The following WDR37 variants were observed in gnomAD, a reference collection of about 807,000 sequenced individuals.
The protein encoded by WDR37 is WD repeat-containing protein 37.
Under a neutral mutation model 62.9 loss-of-function variants are expected in WDR37, and 19 were observed. The observed-to-expected ratio is 0.30, with a 90% confidence interval of 0.21 to 0.44. WDR37 has a LOEUF of 0.44. Among genes scored for constraint, WDR37 ranks in the 20% least tolerant of loss-of-function variants. The probability of loss-of-function intolerance (pLI) is 1.00; values close to 1 mark genes in which losing one functional copy is unlikely to be tolerated. For synonymous variants in WDR37, 250 were observed against 260.9 expected (o/e 0.96, Z 0.40); for missense variants, 474 against 657.6 (o/e 0.72, Z 3.05).
At chr10:1,070,285 T>G (rs1833688854) in intron 1 of WDR37, among the ~76,000 whole-genome samples, 1 of 152,146 alleles carries the variant, frequency 6.6e-6, no homozygotes, top group African/African-American at 2.4e-5. Flanking sequence ...AGCTTGTGAT[T>G]AAGTTAAAGC....
At chr10:1,061,455 A>G (rs917658267) in intron 1 of WDR37, among the ~76,000 whole-genome samples, 5 of 152,206 alleles carry the variant, frequency 3.3e-5, no homozygotes, top group African/African-American at 1.2e-4. Flanking sequence ...ACAAGTGGAA[A>G]TTTCCACACC....
rs184497990 is a variant in WDR37 at position 1,091,008 on chromosome 10, C to G, written c.605-2444C>G. On this transcript the variant is annotated intron_variant, in intron 7 of 13. Transcript: ENST00000263150. ...GGTGATTGAGCTCTCTCGAGGGCCT[C>G]GTTATACAGGCGTGGTTTTCATCCT... Among the ~76,000 whole-genome samples the G allele has an allele frequency of 6.8e-3, 1,034 of 152,342 alleles. 3 individuals carry two copies. The highest frequency in any genetic ancestry group is 0.02 in the Middle Eastern group (6 of 294).
intron 1 of WDR37, among the ~76,000 whole-genome samples, chr10:1,058,029 C>T (rs1833250541): frequency 7.0e-6 from 1 of 142,120 alleles, no homozygotes; most frequent in Non-Finnish European, 1.6e-5. Context: ...TGATCAAATT[C>T]GAGTCTTTCA....
intron 7 of WDR37, among the ~76,000 whole-genome samples, chr10:1,091,196 A>C (rs1834376630): frequency 6.6e-6 from 1 of 152,146 alleles, no homozygotes; most frequent in Admixed American, 6.5e-5. Flanking sequence ...TTCCACCCAC[A>C]CCTCACAGTG....
rs369591020 is a variant in WDR37 at position 1,086,347 on chromosome 10, C to T, written c.594C>T (p.His198=). Residue 198 remains histidine (H), a synonymous_variant, in exon 7 of 14, where the codon CAC becomes CAT. Coordinates refer to ENST00000263150, the MANE Select transcript of WDR37 (RefSeq NM_014023.4). Reference sequence around the variant, plus strand: ...AGTGCCTAGTCAAGTACGCAGGCCACGTGGGCTCAGGTAAGCACTGCCTAA... The same window carrying T: ...AGTGCCTAGTCAAGTACGCAGGCCATGTGGGCTCAGGTAAGCACTGCCTAA... ...TGKCLVKYAG[H]VGSVNSIKFH... 1.7e-5 allele frequency: 28 copies of T among 1,613,900 alleles called. No homozygotes were observed. Among genetic ancestry groups the T allele is most frequent in the Middle Eastern group, 3.3e-4 (2 of 6,084 alleles).
chr10:1,089,678 TGCTCACCCGCAGTTCGGCCTTCCC>T (rs1191595082), intron 7 of WDR37, among the ~76,000 whole-genome samples: 18 of 151,130 alleles, frequency 1.2e-4, no homozygotes, highest in Middle Eastern at 6.8e-3. Flanking sequence ...GGCCTTCCCG[TGCTCACCCGCAGTTCGGCCTTCCC>T]GTGCTCACCC....
Position 1,121,580 on chromosome 10 carries a change from C to T in WDR37, c.1104-2638C>T, listed in dbSNP as rs571803777. Among the ~76,000 whole-genome samples, 17 of 152,302 alleles carry T rather than the reference C, an allele frequency of 1.1e-4. No homozygotes were observed. The highest frequency in any genetic ancestry group is 1.0e-3 in the Admixed American group (16 of 15,298). ...TCTCGTTACCCAGGCTGGGCGTTTG[C>T]TTGTGTCCTGCCCCGTGTGATGCCG... On this transcript the variant is annotated intron_variant, in intron 11 of 13. Coordinates refer to ENST00000263150, the MANE Select transcript of WDR37 (RefSeq NM_014023.4). This position sits in a 1 kb window ranked among gnomAD's most constrained non-coding sequence, Gnocchi z 4.5.
chr10:1,082,663 T>G (rs778921385), intron 5 of WDR37, among the ~76,000 whole-genome samples: 3 of 152,146 alleles, frequency 2.0e-5, no homozygotes, highest in Non-Finnish European at 2.9e-5. Context: ...TCAGCTTTTC[T>G]AAGGAAAAAG....
In WDR37 at chr10:1,084,623, G is replaced by A. The variant is rs1312055951; in HGVS notation, c.532+85G>A. On this transcript the variant is annotated intron_variant, in intron 6 of 13. Coordinates refer to ENST00000263150, the MANE Select transcript of WDR37 (RefSeq NM_014023.4). ...GATGGACATTCACTTTTCTGTGGCA[G>A]AGGAACCCTAGATGCAAAAGCGTCA... The A allele has an allele frequency of 2.6e-6, 4 of 1,563,650 alleles. No individual in the cohort carries two copies. In the African/African-American group the frequency reaches 5.4e-5, roughly 21 times the overall value.
chr10:1,106,723 G>A (rs777422836), intron 11 of WDR37, among the ~76,000 whole-genome samples: 2 of 152,092 alleles, frequency 1.3e-5, no homozygotes, highest in Non-Finnish European at 2.9e-5. Flanking sequence ...CACCATGTTG[G>A]TTGGGCTGGT....
At chr10:1,110,603 G>C (rs1220350308) in intron 11 of WDR37, among the ~76,000 whole-genome samples, 2 of 152,242 alleles carry the variant, frequency 1.3e-5, no homozygotes, top group African/African-American at 4.8e-5. Context: ...GTGAGGTCCG[G>C]GGTGCGGGTT....
At chr10:1,108,905 T>C (rs1835116408) in intron 11 of WDR37, among the ~76,000 whole-genome samples, 1 of 152,130 alleles carries the variant, frequency 6.6e-6, no homozygotes, top group African/African-American at 2.4e-5. Flanking sequence ...GAGGGTAGTT[T>C]TGTGTCTAGA....
At chr10:1,067,006 G>T (rs1273487254) in intron 1 of WDR37, among the ~76,000 whole-genome samples, 12 of 152,176 alleles carry the variant, frequency 7.9e-5, no homozygotes, top group Admixed American at 7.9e-4. Flanking sequence ...CTCCCACTGG[G>T]TCCCTCCCAC....
intron 9 of WDR37, 115 bp downstream of exon 9, chr10:1,096,361 G>A (rs1834575974): frequency 8.7e-7 from 1 of 1,151,800 alleles, no homozygotes. Context: ...GTTCAGTGTT[G>A]AAGGCCTCAC....
chr10:1,126,597 C>T (rs1460558639), intron 13 of WDR37, among the ~76,000 whole-genome samples: 7 of 152,158 alleles, frequency 4.6e-5, no homozygotes, highest in South Asian at 4.1e-4. Flanking sequence ...ACACGCCTGC[C>T]GGCAGCTTGG....
At chr10:1,059,358 CAG>C (rs1255126350) in intron 1 of WDR37, among the ~76,000 whole-genome samples, 3 of 152,162 alleles carry the variant, frequency 2.0e-5, no homozygotes, top group African/African-American at 7.2e-5. Flanking sequence ...CCTGGGGAGA[CAG>C]AGCGAGATTC....
At chr10:1,066,146 T>C (rs921773009) in intron 1 of WDR37, among the ~76,000 whole-genome samples, 42 of 152,206 alleles carry the variant, frequency 2.8e-4, no homozygotes, top group African/African-American at 9.6e-4. Context: ...AACGGAGTCT[T>C]GCTCTGTCAC....
rs1206431627 is a variant in WDR37, at chr10:1,093,483, G to C, written c.636G>C (p.Gln212His). 6.2e-7 allele frequency: 1 copy of C among 1,609,768 alleles called. No homozygotes were observed. Residue 212 changes from glutamine (Q) to histidine (H), a missense_variant, in exon 8 of 14, where the codon CAG becomes CAC. Transcript: ENST00000263150. Reference protein sequence around the residue: ...VNSIKFHPSEQLALTASGDQT... With the variant: ...VNSIKFHPSEHLALTASGDQT... Reference sequence around the variant, plus strand: ...CTATCAAATTTCATCCCTCAGAGCAGTTGGCTCTCACTGGTATGTTGATTT... The same window carrying C: ...CTATCAAATTTCATCCCTCAGAGCACTTGGCTCTCACTGGTATGTTGATTT...
At chr10:1,062,842 C>G (rs1398972793) in intron 1 of WDR37, among the ~76,000 whole-genome samples, 1 of 152,120 alleles carries the variant, frequency 6.6e-6, no homozygotes, top group African/African-American at 2.4e-5. Flanking sequence ...AATCCAAGCA[C>G]TTTGGGAGGC....
Sources: allele counts gnomAD v4.1 joint callset (sites outside exome capture counted in the v4.1 genomes callset), GRCh38; gene constraint gnomAD v4.1.1; non-coding constraint Gnocchi (gnomAD v3.1); transcripts MANE v1.5; gene names NCBI Gene and HGNC (gene_info 2026-07-23, HGNC 2026-07-21).